The following FMN2 variants were observed in gnomAD, a reference collection of about 807,000 sequenced individuals.
The protein encoded by FMN2 is formin 2.
FMN2 carries 51 observed loss-of-function variants against 142.3 expected under a neutral mutation model. The observed-to-expected ratio is 0.36, with a 90% CI of 0.29 to 0.45. FMN2 has a LOEUF of 0.45. FMN2 is among the 20% of genes least tolerant of loss of function. The probability of loss-of-function intolerance (pLI) is 1.00; values close to 1 mark genes in which losing one functional copy is unlikely to be tolerated. For synonymous variants in FMN2, 882 were observed against 869.8 expected (o/e 1.01, Z -0.25); for missense variants, 1,936 against 2,122.8 (o/e 0.91, Z 1.73).
At chr1:240,137,649 T>C (rs1002202538) in intron 2 of FMN2, among the ~76,000 whole-genome samples, 4 of 152,208 alleles carry the variant, frequency 2.6e-5, no homozygotes, top group African/African-American at 9.7e-5. Flanking sequence ...TTGTGTAGCT[T>C]ACTGTGGAAA....
chr1:240,273,028 T>C (rs1222269040), intron 7 of FMN2, among the ~76,000 whole-genome samples: 1 of 139,200 alleles, frequency 7.2e-6, no homozygotes, highest in East Asian at 2.2e-4. Context: ...AAGGAAAGAA[T>C]TGTTCCCTTG....
chr1:240,274,074 A>G (rs371754112), intron 7 of FMN2, among the ~76,000 whole-genome samples: 16 of 152,264 alleles, frequency 1.1e-4, no homozygotes, highest in African/African-American at 3.9e-4. Flanking sequence ...CCAATGCTTC[A>G]GCATTCACTC....
chr1:240,243,761 C>T (rs1197544764), intron 6 of FMN2, among the ~76,000 whole-genome samples: 1 of 152,166 alleles, frequency 6.6e-6, no homozygotes, highest in Non-Finnish European at 1.5e-5. Context: ...TACATGGATG[C>T]TAATTTAGGC....
chr1:240,111,130 T>C (rs544500737), intron 1 of FMN2, among the ~76,000 whole-genome samples: 2 of 152,336 alleles, frequency 1.3e-5, no homozygotes, highest in Non-Finnish European at 2.9e-5. Flanking sequence ...TTGTTTCATT[T>C]AATTTTCACA....
chr1:240,220,689 G>T (rs1285423438), intron 6 of FMN2, among the ~76,000 whole-genome samples: 1 of 151,928 alleles, frequency 6.6e-6, no homozygotes. Context: ...GTGTGTGTGT[G>T]TGTGTGTTAT....
intron 4 of FMN2, among the ~76,000 whole-genome samples, chr1:240,204,649 G>T (rs749298140): frequency 3.3e-5 from 5 of 152,310 alleles, no homozygotes; most frequent in Admixed American, 6.5e-5. Context: ...TACGCAGGAG[G>T]CTGAGGCAGT....
chr1:240,400,320 A>C (rs1176678752), intron 15 of FMN2, among the ~76,000 whole-genome samples: 1 of 152,212 alleles, frequency 6.6e-6, no homozygotes, highest in East Asian at 1.9e-4. Context: ...CACTGGCAGC[A>C]GGGAACTCAG....
intron 6 of FMN2, among the ~76,000 whole-genome samples, chr1:240,248,397 G>A (rs550096534): frequency 2.3e-4 from 34 of 146,398 alleles, no homozygotes; most frequent in African/African-American, 8.0e-4. Flanking sequence ...TAACATACAT[G>A]TTATTGGATA....
chr1:240,375,167 G>A (rs1262670176), intron 14 of FMN2, among the ~76,000 whole-genome samples: 1 of 151,994 alleles, frequency 6.6e-6, no homozygotes, highest in Non-Finnish European at 1.5e-5. Context: ...AGTTTGTGGT[G>A]CCCCAGAACA....
chr1:240,453,260 A>C (rs370671921), intron 16 of FMN2, among the ~76,000 whole-genome samples: 20 of 152,316 alleles, frequency 1.3e-4, no homozygotes, highest in East Asian at 1.2e-3. Flanking sequence ...ATAAATTCAT[A>C]GAAGCCAAAC....
intron 16 of FMN2, among the ~76,000 whole-genome samples, chr1:240,441,157 G>C (rs139982135): frequency 0.026 from 4,016 of 151,990 alleles, 73 homozygotes; most frequent in Non-Finnish European, 0.046. Context: ...TCCATGCCCG[G>C]CTAATTTTTG....
intron 14 of FMN2, among the ~76,000 whole-genome samples, chr1:240,388,570 A>G (rs1290853643): frequency 1.3e-5 from 2 of 152,122 alleles, no homozygotes; most frequent in African/African-American, 4.8e-5. Context: ...GCCCTTGGCC[A>G]GTGATGTCCA....
intron 13 of FMN2, among the ~76,000 whole-genome samples, chr1:240,340,504 C>G (rs998592967): frequency 3.3e-5 from 5 of 152,126 alleles, no homozygotes; most frequent in African/African-American, 1.2e-4. Context: ...TTGCTTGAAC[C>G]TGGAAGGCAG....
At chr1:240,427,171 TTA>T (rs34534422) in intron 15 of FMN2, among the ~76,000 whole-genome samples, 92,962 of 136,722 alleles carry the variant, frequency 0.68, 31,625 homozygotes, top group East Asian at 0.78. Flanking sequence ...ACAACTGATT[TTA>T]TATATATATA....
At chr1:240,233,022 C>T (rs1398240833) in intron 6 of FMN2, among the ~76,000 whole-genome samples, 4 of 152,144 alleles carry the variant, frequency 2.6e-5, no homozygotes, top group Admixed American at 1.3e-4. Flanking sequence ...TTGTTGCCCA[C>T]GCTTTTAAAA....
At chr1:240,188,172 T>C (rs1486310696) in intron 3 of FMN2, 35 bp from the exon 4 acceptor site, 29 of 1,605,954 alleles carry the variant, frequency 1.8e-5, no homozygotes, top group Non-Finnish European at 2.1e-5. Flanking sequence ...AATTGTCCTT[T>C]AAGATACTGA....
At chr1:240,172,353 GA>G (rs912388184) in intron 2 of FMN2, among the ~76,000 whole-genome samples, 25 of 152,322 alleles carry the variant, frequency 1.6e-4, no homozygotes, top group African/African-American at 5.1e-4. Context: ...AAAGAGCACA[GA>G]AAGATTTAGT....
In FMN2 at chr1:240,460,810, CTA is replaced by C. The variant is rs200906000; in HGVS notation, c.5061-11560_5061-11559del. On this transcript the variant is annotated intron_variant, in intron 16 of 17. Transcript: ENST00000319653. ...TTGTTTAATTTTCCAAAATATTATG[CTA>C]TGTTATGCTACCTCCAAACAGAGGT... 3.9e-5 allele frequency among the ~76,000 whole-genome samples: 6 copies of C among 152,166 alleles called. No homozygotes were observed. The South Asian group carries it at 6.2e-4, about 16-fold the overall frequency.
intron 8 of FMN2, among the ~76,000 whole-genome samples, chr1:240,310,232 G>A (rs145338160): frequency 1.5e-3 from 231 of 152,094 alleles, no homozygotes; most frequent in African/African-American, 5.2e-3. Context: ...AAAAAATATC[G>A]CTAACCTAAA....
Sources: gnomAD v4.1 joint callset for allele counts (sites outside exome capture counted in the v4.1 genomes callset) on GRCh38, gnomAD v4.1.1 for gene constraint, MANE v1.5 for transcripts, NCBI Gene and HGNC (gene_info 2026-07-23, HGNC 2026-07-21) for gene names.